Variants in CPNE4 observed in about 807,000 individuals in gnomAD.
CPNE4 encodes copine-4.
CPNE4 carries 25 observed loss-of-function variants against 67.9 expected under a neutral mutation model. That is an observed-to-expected ratio of 0.37 (90% CI 0.27 to 0.51). The LOEUF (loss-of-function observed/expected upper bound fraction) is 0.51. CPNE4 is among the 20% of genes least tolerant of loss of function. The pLI, the probability that CPNE4 is intolerant of heterozygous loss-of-function variation, is 0.93. For missense variants in CPNE4, 464 were observed against 690.8 expected (o/e 0.67, Z 3.68); for synonymous variants, 242 against 244.9 (o/e 0.99, Z 0.11).
intron 5 of CPNE4, among the ~76,000 whole-genome samples, chr3:131,688,194 C>T (rs542504022): frequency 1.2e-4 from 18 of 152,252 alleles, no homozygotes; most frequent in African/African-American, 3.6e-4. Context: ...AACTATCTTC[C>T]GCTTTGCTTT....
intron 6 of CPNE4, among the ~76,000 whole-genome samples, chr3:131,676,776 C>T (rs1444687683): frequency 6.6e-6 from 1 of 152,084 alleles, no homozygotes; most frequent in Non-Finnish European, 1.5e-5. Flanking sequence ...TTTATCCAGT[C>T]TATAATTGAT....
intron 7 of CPNE4, among the ~76,000 whole-genome samples, chr3:131,641,734 A>G (rs112297477): frequency 9.8e-5 from 15 of 152,316 alleles, no homozygotes; most frequent in African/African-American, 3.6e-4. Flanking sequence ...CACAATTCGC[A>G]ATTGCAAAAA....
chr3:131,795,834 T>C (rs1174847737), intron 2 of CPNE4, among the ~76,000 whole-genome samples: 2 of 152,198 alleles, frequency 1.3e-5, no homozygotes, highest in Non-Finnish European at 2.9e-5. Flanking sequence ...GCTCACTAAA[T>C]ATGTAAATGT....
chr3:131,913,317 C>G (rs1272240211), intron 1 of CPNE4, among the ~76,000 whole-genome samples: 3 of 152,174 alleles, frequency 2.0e-5, no homozygotes, highest in Non-Finnish European at 4.4e-5. Context: ...TAGGCTCGAG[C>G]ATGCATATTA....
chr3:131,597,011 C>G lies in CPNE4; in HGVS notation c.682-9429G>C, dbSNP rs75671316. Among the ~76,000 whole-genome samples the G allele has an allele frequency of 2.8e-3, 424 of 152,294 alleles. 4 individuals are homozygous for G. Among genetic ancestry groups the G allele is most frequent in the African/African-American group, 9.0e-3 (374 of 41,550 alleles). On this transcript the variant is annotated intron_variant, in intron 7 of 15. Transcript: ENST00000429747. ...TTTTCAGTGACACTCAATTGGTCCT[C>G]TCATACTAAAATGCCAACATTTATT...
At chr3:131,593,856 C>T (rs576143231) in intron 7 of CPNE4, among the ~76,000 whole-genome samples, 43 of 152,138 alleles carry the variant, frequency 2.8e-4, no homozygotes, top group Middle Eastern at 3.4e-3. Context: ...GGACTACAGG[C>T]GCACACCACC....
intron 7 of CPNE4, among the ~76,000 whole-genome samples, chr3:131,649,837 GC>G (rs2079762867): frequency 6.6e-6 from 1 of 152,158 alleles, no homozygotes; most frequent in Non-Finnish European, 1.5e-5. Context: ...CTAAAAGAAG[GC>G]CCATTTGTTA....
chr3:131,963,154 G>T (rs2072234278), intron 1 of CPNE4, among the ~76,000 whole-genome samples: 1 of 152,000 alleles, frequency 6.6e-6, no homozygotes. Flanking sequence ...AAGGAGCTGG[G>T]GGAGCCCCCC....
chr3:131,678,892 T>A (rs1227809974), intron 6 of CPNE4, among the ~76,000 whole-genome samples: 1 of 152,198 alleles, frequency 6.6e-6, no homozygotes, highest in Non-Finnish European at 1.5e-5. Flanking sequence ...GAAGTTTTCT[T>A]TTTTTGTTGT....
intron 3 of CPNE4, among the ~76,000 whole-genome samples, chr3:131,722,674 A>C (rs1473348855): frequency 6.6e-6 from 1 of 152,208 alleles, no homozygotes; most frequent in Non-Finnish European, 1.5e-5. Context: ...TTTGAAGTGC[A>C]TATTACTATG....
chr3:131,815,729 G>A (rs2107954006), intron 2 of CPNE4, among the ~76,000 whole-genome samples: 1 of 151,878 alleles, frequency 6.6e-6, no homozygotes, highest in Middle Eastern at 3.4e-3. Flanking sequence ...AGAACTATCT[G>A]AAAAGACATG....
intron 2 of CPNE4, among the ~76,000 whole-genome samples, chr3:131,884,057 TTACC>T (rs982531903): frequency 4.9e-4 from 74 of 152,344 alleles, no homozygotes; most frequent in African/African-American, 1.7e-3. Context: ...TTTGTTTCAC[TTACC>T]ATTGTTTACC....
intron 1 of CPNE4, among the ~76,000 whole-genome samples, chr3:131,994,503 A>G (rs1421586317): frequency 1.2e-5 from 1 of 85,678 alleles, no homozygotes; most frequent in Non-Finnish European, 3.2e-5. Context: ...TCTCCAGGCA[A>G]TTCAATTTAT....
chr3:131,685,003 G>A (rs1422548954), intron 6 of CPNE4, among the ~76,000 whole-genome samples: 1 of 152,198 alleles, frequency 6.6e-6, no homozygotes, highest in East Asian at 1.9e-4. Flanking sequence ...TGATAGGACT[G>A]ACATCAGTGC....
chr3:131,703,298 C>G (rs75177091), intron 3 of CPNE4, among the ~76,000 whole-genome samples: 18,800 of 152,214 alleles, frequency 0.12, 1,266 homozygotes, highest in African/African-American at 0.16. Flanking sequence ...TAAAAGGGAT[C>G]CATTTGTCAG....
rs375179992 is a variant in CPNE4, at chr3:131,605,255, T to TTTTA, written c.682-17677_682-17674dup. Among the ~76,000 whole-genome samples the TTTTA allele has an allele frequency of 3.7e-3, 566 of 152,256 alleles. 2 individuals are homozygous for TTTTA. The highest frequency in any genetic ancestry group is 0.011 in the African/African-American group (466 of 41,558). On this transcript the variant is annotated intron_variant, in intron 7 of 15. Coordinates refer to ENST00000429747, the MANE Select transcript of CPNE4 (RefSeq NM_130808.3). ...ATATGAAAGCTGAGACAGAATGCTA[T>TTTTA]TTTATTTATTTATTTATTTAATAAT...
Position 131,787,548 on chromosome 3 carries a change from G to T in CPNE4, c.181-63923C>A, listed in dbSNP as rs554449295. ...TTCTGCAACCAAGGCAGACCCTGAT[G>T]GATCTGGCGGCTGAAGGCTCTCTGA... On this transcript the variant is annotated intron_variant, in intron 2 of 15. Coordinates refer to ENST00000429747, the MANE Select transcript of CPNE4 (RefSeq NM_130808.3). Among the ~76,000 whole-genome samples the T allele has an allele frequency of 6.8e-4, 104 of 152,150 alleles. 7 individuals carry two copies. Among genetic ancestry groups the T allele is most frequent in the Non-Finnish European group, 1.8e-4 (12 of 68,012 alleles).
chr3:131,988,608 CTT>C (rs1435137914), intron 1 of CPNE4, among the ~76,000 whole-genome samples: 13 of 152,114 alleles, frequency 8.5e-5, no homozygotes, highest in African/African-American at 1.9e-4. Flanking sequence ...TCAAAGATGA[CTT>C]TGAGTGTTCT....
chr3:131,846,483 A>C, intron 2 of CPNE4, among the ~76,000 whole-genome samples: 1 of 152,196 alleles, frequency 6.6e-6, no homozygotes, highest in East Asian at 1.9e-4. Context: ...CAGTTTCCCC[A>C]GCACAGCCAG....
Sources: allele counts gnomAD v4.1 joint callset (sites outside exome capture counted in the v4.1 genomes callset), GRCh38; gene constraint gnomAD v4.1.1; transcripts MANE v1.5; gene names NCBI Gene and HGNC (gene_info 2026-07-23, HGNC 2026-07-21).